Variants in EMCN observed in about 807,000 individuals in gnomAD.
EMCN encodes endomucin.
In EMCN, 37 loss-of-function variants were observed where a neutral mutation model predicts 38.4. The observed-to-expected ratio is 0.96, with a 90% confidence interval of 0.74 to 1.27. EMCN has a LOEUF of 1.27. Ranked by LOEUF, EMCN falls within the 50% of genes most tolerant of loss-of-function variation. The probability of loss-of-function intolerance (pLI) is 0.00; values close to 1 mark genes in which losing one functional copy is unlikely to be tolerated. For synonymous variants in EMCN, 95 were observed against 100.8 expected (o/e 0.94, Z 0.35); for missense variants, 318 against 302.8 (o/e 1.05, Z -0.37).
At chr4:100,473,183 T>G (rs1728526887) in intron 3 of EMCN, among the ~76,000 whole-genome samples, 1 of 149,524 alleles carries the variant, frequency 6.7e-6, no homozygotes, top group African/African-American at 2.4e-5. Flanking sequence ...CCCAGTAAAT[T>G]TTTGTATTTT....
At position 100,491,702 on chromosome 4, in the gene EMCN, T is replaced by G. The variant is rs1162842668; in HGVS notation, c.65-11663A>C. Among the ~76,000 whole-genome samples the G allele has an allele frequency of 2.0e-5, 3 of 152,192 alleles. No homozygotes were observed. In the East Asian group the frequency reaches 5.8e-4, roughly 29 times the overall value. On this transcript the variant is annotated intron_variant, in intron 1 of 11. Transcript: ENST00000296420. ...CTGGCCCAACATGAGGTGGTTGCAG[T>G]GCCTATCCAGCAGCTTAGCCTGATA...
intron 3 of EMCN, among the ~76,000 whole-genome samples, chr4:100,467,449 C>T (rs528847604): frequency 1.3e-5 from 2 of 151,836 alleles, no homozygotes; most frequent in African/African-American, 4.8e-5. Context: ...GAGGCCGAGG[C>T]GGGCGGATCA....
rs1217905518 is a variant in EMCN, at chr4:100,420,092, C to A, written c.664+1190G>T. Among the ~76,000 whole-genome samples the A allele has an allele frequency of 2.0e-5, 3 of 152,024 alleles. No homozygotes were observed. In the East Asian group the frequency reaches 5.8e-4, roughly 29 times the overall value. ...AGAATTAAAGTGGGGAAGAAGAATT[C>A]TATTTACTGTACCTTTAAAAATGTA... On this transcript the variant is annotated intron_variant, in intron 8 of 11. Coordinates refer to ENST00000296420, the MANE Select transcript of EMCN (RefSeq NM_016242.4).
rs767318585 is a variant in EMCN at position 100,434,383 on chromosome 4, C to CAAAAAA, written c.416-10985_416-10980dup. Among the ~76,000 whole-genome samples, 89 of 70,534 alleles carry CAAAAAA rather than the reference C, an allele frequency of 1.3e-3. 2 individuals carry two copies. Among genetic ancestry groups the CAAAAAA allele is most frequent in the Non-Finnish European group, 1.8e-3 (75 of 40,876 alleles). 46.3% of individuals were successfully genotyped at this position (70,534 alleles called of 152,430 possible). ...AGGCAGTAATAAATAGCCTACCAAG[C>CAAAAAA]AAAAAAAAAAAAAAAAAAAAGCCTG... On this transcript the variant is annotated intron_variant, in intron 5 of 11. Coordinates refer to ENST00000296420, the MANE Select transcript of EMCN (RefSeq NM_016242.4).
At chr4:100,517,762 A>G (rs935893743) in intron 1 of EMCN, 89 bp downstream of exon 1, 19 of 1,197,686 alleles carry the variant, frequency 1.6e-5, no homozygotes, top group Non-Finnish European at 2.1e-5. Context: ...TCTAAGTGTC[A>G]GGGGAAGATC....
At position 100,479,150 on chromosome 4, in the gene EMCN, G is replaced by A. The variant is rs1358927289; in HGVS notation, c.187+767C>T. ...GAAAATTAAGGGGGGAATAGAAAGAGGTAAAAAAGACAGCATAAGAATTTC... is the reference window on the plus strand; with the variant it reads ...GAAAATTAAGGGGGGAATAGAAAGAAGTAAAAAAGACAGCATAAGAATTTC... On this transcript the variant is annotated intron_variant, in intron 2 of 11. Transcript: ENST00000296420. 3.3e-5 allele frequency among the ~76,000 whole-genome samples: 5 copies of A among 151,994 alleles called. No individual in the cohort carries two copies. The East Asian group carries it at 7.7e-4, about 23-fold the overall frequency.
chr4:100,421,958 T>G (rs1367648315), intron 7 of EMCN, among the ~76,000 whole-genome samples: 1 of 151,986 alleles, frequency 6.6e-6, no homozygotes, highest in Non-Finnish European at 1.5e-5. Flanking sequence ...CTGCAGTAAC[T>G]TAGGGTGAGT....
chr4:100,490,191 A>T (rs898713064), intron 1 of EMCN, among the ~76,000 whole-genome samples: 2 of 148,980 alleles, frequency 1.3e-5, no homozygotes, highest in African/African-American at 4.9e-5. Flanking sequence ...AAAAAAAAAG[A>T]TTAAAAACAG....
At chr4:100,496,328 T>C (rs76599053) in intron 1 of EMCN, among the ~76,000 whole-genome samples, 2,044 of 152,300 alleles carry the variant, frequency 0.013, 17 homozygotes, top group Non-Finnish European at 0.023. Flanking sequence ...TAAAAACTCT[T>C]GTCGATTTTA....
At chr4:100,416,130 A>ATC (rs1414814575) in intron 9 of EMCN, among the ~76,000 whole-genome samples, 171 bp from the exon 10 acceptor site, 3 of 152,018 alleles carry the variant, frequency 2.0e-5, no homozygotes, top group South Asian at 2.1e-4. Flanking sequence ...ATATATATAT[A>ATC]TCTCCATGGC....
intron 5 of EMCN, among the ~76,000 whole-genome samples, chr4:100,439,124 T>C (rs930499731): frequency 1.3e-5 from 2 of 152,110 alleles, no homozygotes; most frequent in South Asian, 2.1e-4. Flanking sequence ...GTGGTCCTTA[T>C]AAAATGTGGT....
chr4:100,491,511 A>T (rs1292094781), intron 1 of EMCN, among the ~76,000 whole-genome samples: 1 of 152,168 alleles, frequency 6.6e-6, no homozygotes, highest in Non-Finnish European at 1.5e-5. Context: ...AAGGCTCCCC[A>T]TAGGCAGGTG....
intron 11 of EMCN, among the ~76,000 whole-genome samples, chr4:100,402,825 CT>C (rs945014840): frequency 3.0e-4 from 45 of 151,724 alleles, no homozygotes; most frequent in African/African-American, 1.0e-3. Flanking sequence ...TTTCTTTTTT[CT>C]TTTTTTTCCA....
At chr4:100,505,794 T>G (rs1028158699) in intron 1 of EMCN, among the ~76,000 whole-genome samples, 5 of 151,890 alleles carry the variant, frequency 3.3e-5, no homozygotes, top group Non-Finnish European at 4.4e-5. Flanking sequence ...AGCAGAAAAA[T>G]AGAGACCTCT....
In EMCN at chr4:100,469,090, G is replaced by T. The variant is rs559325529; in HGVS notation, c.260-3551C>A. On this transcript the variant is annotated intron_variant, in intron 3 of 11. Coordinates refer to ENST00000296420, the MANE Select transcript of EMCN (RefSeq NM_016242.4). The stretch of plus-strand genomic sequence containing the variant: ...CCAGATATAAATCTAAACATATATG[G>T]TCAATTAATTTTCAACAAGGGCACC... 2.2e-4 allele frequency among the ~76,000 whole-genome samples: 33 copies of T among 152,100 alleles called. No homozygotes were observed. The South Asian group carries it at 6.4e-3, about 30-fold the overall frequency.
rs538474841 is a variant in EMCN at position 100,513,029 on chromosome 4, C to T, written c.64+4822G>A. 8.3e-4 allele frequency among the ~76,000 whole-genome samples: 127 copies of T among 152,102 alleles called. 1 individual carries two copies. The highest frequency in any genetic ancestry group is 1.6e-3 in the Non-Finnish European group (107 of 68,020). On this transcript the variant is annotated intron_variant, in intron 1 of 11. Transcript: ENST00000296420. Reference sequence around the variant, plus strand: ...AGGATGGGCAGTTGTCTAGTAAATTCAAAGCTTTGTGAAACCCTTAAATAT... The same window carrying T: ...AGGATGGGCAGTTGTCTAGTAAATTTAAAGCTTTGTGAAACCCTTAAATAT...
chr4:100,461,075 T>C (rs923653280), intron 4 of EMCN, among the ~76,000 whole-genome samples: 8 of 152,166 alleles, frequency 5.3e-5, no homozygotes, highest in Non-Finnish European at 8.8e-5. Context: ...TCTAATGGCA[T>C]GTGCTATCTT....
intron 4 of EMCN, among the ~76,000 whole-genome samples, chr4:100,449,655 C>T (rs1352169911): frequency 6.6e-6 from 1 of 152,010 alleles, no homozygotes; most frequent in African/African-American, 2.4e-5. Flanking sequence ...ACTGAGAAGA[C>T]AAAACCTTCT....
At chr4:100,489,659 T>A (rs1289446100) in intron 1 of EMCN, among the ~76,000 whole-genome samples, 1 of 152,222 alleles carries the variant, frequency 6.6e-6, no homozygotes, top group Non-Finnish European at 1.5e-5. Context: ...ATATAATATC[T>A]GATAATGATA....
Sources: gnomAD v4.1 joint callset for allele counts (sites outside exome capture counted in the v4.1 genomes callset) on GRCh38, gnomAD v4.1.1 for gene constraint, MANE v1.5 for transcripts, NCBI Gene and HGNC (gene_info 2026-07-23, HGNC 2026-07-21) for gene names.